The following PRH2 variants were observed in gnomAD, a reference collection of about 807,000 sequenced individuals.
PRH2 encodes salivary acidic proline-rich phosphoprotein 1/2.
Under a neutral mutation model 22.6 loss-of-function variants are expected in PRH2, and 19 were observed. The observed-to-expected ratio is 0.84, with a 90% CI of 0.59 to 1.23. The LOEUF is 1.23. PRH2 is among the 50% of genes most tolerant of loss of function. The probability of loss-of-function intolerance (pLI) is 0.00; values close to 1 mark genes in which losing one functional copy is unlikely to be tolerated. For synonymous variants in PRH2, 45 were observed against 72.0 expected (o/e 0.63, Z 1.90); for missense variants, 109 against 203.0 (o/e 0.54, Z 2.81).
In PRH2 at chr12:10,934,186, C is replaced by T. The variant is rs1189133015; in HGVS notation, c.*1979C>T. On this transcript the variant is annotated 3_prime_UTR_variant, in exon 4 of 4. Coordinates refer to ENST00000396400, the MANE Select transcript of PRH2 (RefSeq NM_001110213.1). The stretch of plus-strand genomic sequence containing the variant: ...ATTATTTTACTCTAAGTTATTTCCA[C>T]TTCTGATTTTAAGAACAGCTTCTTT... Among the ~76,000 whole-genome samples, 8 of 152,106 alleles carry T rather than the reference C, an allele frequency of 5.3e-5. No homozygotes were observed. The highest frequency in any genetic ancestry group is 1.7e-4 in the African/African-American group (7 of 41,436).
chr12:10,930,187 G>A, intron 1 of PRH2, 82 bp from the exon 2 acceptor site: 2 of 1,492,532 alleles, frequency 1.3e-6, no homozygotes, highest in Admixed American at 1.7e-5. Context: ...TGTGATCAGA[G>A]GTCCTTTATC....
Position 10,930,713 on chromosome 12 carries a change from T to A in PRH2, c.152T>A (p.Leu51Ter), listed in dbSNP as rs758003134. The A allele has an allele frequency of 6.2e-7, 1 of 1,613,678 alleles. No individual in the cohort carries two copies. The highest frequency in any genetic ancestry group is 2.2e-5 in the East Asian group (1 of 44,882). ...GATGAGGAGCGTCAGGGACCACCTT[T>A]GGGAGGACAGCAATCTCAACCCTCT... The part of the protein sequence containing the change: ...FIDEERQGPP[L>*]GGQQSQPSAG... Residue 51 changes from leucine (L) to a stop codon, truncating the protein, a stop_gained, in exon 3 of 4, where the codon TTG becomes TAG. Coordinates refer to ENST00000396400, the MANE Select transcript of PRH2 (RefSeq NM_001110213.1). LOFTEE classifies it high-confidence loss of function.
Position 10,930,843 on chromosome 12 carries a change from A to G in PRH2, c.282A>G (p.Pro94=), listed in dbSNP as rs1565479052. The part of the protein sequence containing the change: ...PPPPQGKPQG[P]PQQGGHPPPP... Reference sequence around the variant, plus strand: ...CTCCTCAGGGAAAGCCACAAGGACCACCCCAACAGGGAGGCCATCCCCCTC... The same window carrying G: ...CTCCTCAGGGAAAGCCACAAGGACCGCCCCAACAGGGAGGCCATCCCCCTC... Residue 94 remains proline (P), a synonymous_variant, in exon 3 of 4, where the codon CCA becomes CCG. Transcript: ENST00000396400. The G allele has an allele frequency of 1.2e-6, 2 of 1,613,588 alleles. No homozygotes were observed. The highest frequency in any genetic ancestry group is 3.3e-5 in the Admixed American group (2 of 59,992).
chr12:10,930,942 A>T lies in PRH2; in HGVS notation c.381A>T (p.Gly127=). The change falls in exon 3 of 4, where the codon GGA becomes GGT. Residue 127 remains glycine, a synonymous_variant. Transcript: ENST00000396400. ...GTCCTCCTCGAGGAAGGCCACAAGG[A>T]CCACCCCAACAGGGAGGCCATCAGC... ...HPRPPRGRPQ[G]PPQQGGHQQG... The T allele has an allele frequency of 1.2e-6, 2 of 1,606,236 alleles. No individual in the cohort carries two copies. The highest frequency in any genetic ancestry group is 1.7e-6 in the Non-Finnish European group (2 of 1,176,260).
rs1193895100 is a variant in PRH2 at position 10,934,450 on chromosome 12, C to T, written c.*2243C>T. The stretch of plus-strand genomic sequence containing the variant: ...GTTATGAATCCATTCCCCAAAATTC[C>T]AATTAGGAATTATATATTTATTATT... On this transcript the variant is annotated 3_prime_UTR_variant, in exon 4 of 4. Coordinates refer to ENST00000396400, the MANE Select transcript of PRH2 (RefSeq NM_001110213.1). 2.0e-5 allele frequency among the ~76,000 whole-genome samples: 3 copies of T among 152,152 alleles called. No homozygotes were observed. Among genetic ancestry groups the T allele is most frequent in the Admixed American group, 2.0e-4 (3 of 15,278 alleles).
At chr12:10,930,555 A>T in intron 2 of PRH2, 107 bp from the exon 3 acceptor site, 1 of 1,548,634 alleles carries the variant, frequency 6.5e-7, no homozygotes, top group Non-Finnish European at 8.7e-7. Flanking sequence ...GGGAGTTGAG[A>T]GGCAGGTCAG....
rs1950260143 is a variant in PRH2 at position 10,934,576 on chromosome 12, G to A, written c.*2369G>A. On this transcript the variant is annotated 3_prime_UTR_variant, in exon 4 of 4. Transcript: ENST00000396400. ...ATTTCTTCATCTATCACATGTACCT[G>A]TTATACATACTTATTAATTGGATGT... 6.6e-6 allele frequency among the ~76,000 whole-genome samples: 1 copy of A among 151,812 alleles called. No homozygotes were observed. The highest frequency in any genetic ancestry group is 2.4e-5 in the African/African-American group (1 of 41,308).
rs201936422 is a variant in PRH2 at position 10,934,621 on chromosome 12, A to G, written c.*2414A>G. Among the ~76,000 whole-genome samples the G allele has an allele frequency of 8.5e-5, 7 of 82,496 alleles. No individual in the cohort carries two copies. Among genetic ancestry groups the G allele is most frequent in the Admixed American group, 8.3e-4 (7 of 8,482 alleles). The allele number at this position is 82,496 out of a possible 152,430, so 54.1% of individuals were successfully genotyped here. ...GGATGTGCAGTTAATTTCTTCCTTT[A>G]AAAAAAAAACTATAGGCTCAATATG... On this transcript the variant is annotated 3_prime_UTR_variant, in exon 4 of 4. Transcript: ENST00000396400.
rs1950242827 is a variant in PRH2 at position 10,933,507 on chromosome 12, A to T, written c.*1300A>T. 6.6e-6 allele frequency among the ~76,000 whole-genome samples: 1 copy of T among 152,094 alleles called. No homozygotes were observed. The highest frequency in any genetic ancestry group is 2.4e-5 in the African/African-American group (1 of 41,438). ...ACTTTAAATAATTTAAAACAAATTA[A>T]AGTGATATATGAGTTAAATGACCAA... On this transcript the variant is annotated 3_prime_UTR_variant, in exon 4 of 4. Transcript: ENST00000396400.
Position 10,933,902 on chromosome 12 carries a change from A to T in PRH2, c.*1695A>T, listed in dbSNP as rs140936001. On this transcript the variant is annotated 3_prime_UTR_variant, in exon 4 of 4. Coordinates refer to ENST00000396400, the MANE Select transcript of PRH2 (RefSeq NM_001110213.1). ...TACATATATTCAAATGGAAGGAGTA[A>T]AATTACCACCACATGCAGATCTGTT... is the stretch of plus-strand genomic sequence containing the variant. Among the ~76,000 whole-genome samples the T allele has an allele frequency of 5.0e-4, 76 of 152,270 alleles. No homozygotes were observed. The highest frequency in any genetic ancestry group is 1.8e-3 in the African/African-American group (73 of 41,590).
At position 10,934,721 on chromosome 12, in the gene PRH2, C is replaced by G. The variant is rs1474062560; in HGVS notation, c.*2514C>G. Among the ~76,000 whole-genome samples the G allele has an allele frequency of 6.6e-6, 1 of 152,074 alleles. No homozygotes were observed. Among genetic ancestry groups the G allele is most frequent in the Non-Finnish European group, 1.5e-5 (1 of 67,984 alleles). The stretch of plus-strand genomic sequence containing the variant: ...CACAAAAAGATTATTTTGCCCCAGA[C>G]AGCTATCTGCATTCTGATCCAGATA... On this transcript the variant is annotated 3_prime_UTR_variant, in exon 4 of 4. Transcript: ENST00000396400.
Position 10,930,192 on chromosome 12 carries a change from T to C in PRH2, c.65-77T>C, listed in dbSNP as rs1333683866. ...ATGCACAGGGTGTGATCAGAGGTCC[T>C]TTATCCTCGTAGAACACTATGAGCT... is the stretch of plus-strand genomic sequence containing the variant. On this transcript the variant is annotated intron_variant, in intron 1 of 3. Coordinates refer to ENST00000396400, the MANE Select transcript of PRH2 (RefSeq NM_001110213.1). 5.2e-6 allele frequency: 8 copies of C among 1,533,078 alleles called. No individual in the cohort carries two copies. The Middle Eastern group carries it at 1.3e-3, about 252-fold the overall frequency. The allele number at this position is 1,533,078 out of a possible 1,614,324, so 95.0% of individuals were successfully genotyped here.
Position 10,930,837 on chromosome 12 carries a change from A to T in PRH2, c.276A>T (p.Gln92His), listed in dbSNP as rs1198462667. 6.2e-7 allele frequency: 1 copy of T among 1,613,572 alleles called. No homozygotes were observed. The highest frequency in any genetic ancestry group is 1.3e-5 in the African/African-American group (1 of 74,848). Residue 92 changes from glutamine to histidine, a missense_variant, in exon 3 of 4, where the codon CAA becomes CAT. Gln to His is a conservative substitution (Grantham distance 24). This residue lies in a region of PRH2 where 0 missense variants were observed against 18.0 expected (regional missense o/e 0.00). Coordinates refer to ENST00000396400, the MANE Select transcript of PRH2 (RefSeq NM_001110213.1). ...CACCACCTCCTCAGGGAAAGCCACA[A>T]GGACCACCCCAACAGGGAGGCCATC... Reference protein sequence around the residue: ...QGPPPPQGKPQGPPQQGGHPP... With the variant: ...QGPPPPQGKPHGPPQQGGHPP...
intron 1 of PRH2, 80 bp from the exon 2 acceptor site, chr12:10,930,189 T>C (rs527715962): frequency 6.7e-7 from 1 of 1,498,756 alleles, no homozygotes; most frequent in Non-Finnish European, 9.3e-7. Context: ...TGATCAGAGG[T>C]CCTTTATCCT....
In PRH2 at chr12:10,931,032, A is replaced by G. The variant is rs186738910; in HGVS notation, c.471A>G (p.Gln157=). 1,199 of 1,592,068 alleles carry G rather than the reference A, an allele frequency of 7.5e-4. 3 individuals carry two copies. In the East Asian group the frequency reaches 0.023, roughly 30 times the overall value. The change falls in exon 3 of 4, where the codon CAA becomes CAG. Residue 157 remains glutamine (Q), a synonymous_variant. Coordinates refer to ENST00000396400, the MANE Select transcript of PRH2 (RefSeq NM_001110213.1). ...QGPPPQGGRP[Q]GPPQGQSPQ is the part of the protein sequence containing the mutation. The stretch of plus-strand genomic sequence containing the variant: ...CACCTCCCCAAGGGGGCCGCCCACA[A>G]GGACCTCCACAGGGGCAGTCTCCTC...
chr12:10,930,781 C>T lies in PRH2; in HGVS notation c.220C>T (p.Pro74Ser), dbSNP rs772564853. 1.9e-6 allele frequency: 3 copies of T among 1,609,696 alleles called. No individual in the cohort carries two copies. Among genetic ancestry groups the T allele is most frequent in the East Asian group, 2.2e-5 (1 of 44,804 alleles). ...GAATGATGGCCCTCAGCAGGGACCA[C>T]CCCAACAAGGAGGCCAGCAGCAACA... ...NQNDGPQQGP[P>S]QQGGQQQQGP... The change falls in exon 3 of 4, where the codon CCC becomes TCC. Residue 74 changes from proline to serine, a missense_variant. Pro to Ser is a moderately conservative substitution (Grantham distance 74, BLOSUM62 -1). This residue lies in a region of PRH2 where 14 missense variants were observed against 31.0 expected (regional missense o/e 0.45). Transcript: ENST00000396400.
chr12:10,932,450 T>C lies in PRH2; in HGVS notation c.*243T>C, dbSNP rs1054601371. 5.2e-6 allele frequency: 1 copy of C among 193,468 alleles called. No homozygotes were observed. The highest frequency in any genetic ancestry group is 1.1e-5 in the Non-Finnish European group (1 of 87,824). 12.0% of individuals were successfully genotyped at this position (193,468 alleles called of 1,614,324 possible). Reference sequence around the variant, plus strand: ...CAAGCTTCTTTCCTCCTTATCCTTATTAAGTCATCTGCCTGGGGAAGGAGT... The same window carrying C: ...CAAGCTTCTTTCCTCCTTATCCTTACTAAGTCATCTGCCTGGGGAAGGAGT... On this transcript the variant is annotated 3_prime_UTR_variant, in exon 4 of 4. Transcript: ENST00000396400.
chr12:10,929,324 G>A lies in PRH2; in HGVS notation c.51G>A (p.Gln17=). 1 of 1,614,136 alleles carries A rather than the reference G, an allele frequency of 6.2e-7. No homozygotes were observed. The highest frequency in any genetic ancestry group is 8.5e-7 in the Non-Finnish European group (1 of 1,180,024). The change falls in exon 1 of 4, where the codon CAG becomes CAA. Residue 17 remains glutamine (Q), a synonymous_variant. Coordinates refer to ENST00000396400, the MANE Select transcript of PRH2 (RefSeq NM_001110213.1). The part of the protein sequence containing the change: ...SVALLAFSSA[Q]DLDEDVSQED... The stretch of plus-strand genomic sequence containing the variant: ...CCCTGCTGGCCTTCAGCTCAGCTCA[G>A]GACTTAGATGAAGGTAAGCCGAATT...
chr12:10,930,524 G>A, intron 2 of PRH2, 138 bp from the exon 3 acceptor site: 1 of 1,499,046 alleles, frequency 6.7e-7, no homozygotes, highest in South Asian at 1.3e-5. Flanking sequence ...TAATTAGGAA[G>A]CCTTGGGAAG....
Sources: allele counts gnomAD v4.1 joint callset (sites outside exome capture counted in the v4.1 genomes callset), GRCh38; gene constraint gnomAD v4.1.1; regional missense constraint gnomAD v4.1.1; transcripts MANE v1.5; gene names NCBI Gene and HGNC (gene_info 2026-07-23, HGNC 2026-07-21).